The following TMEM50B variants were observed in gnomAD, a reference collection of about 807,000 sequenced individuals.
The protein encoded by TMEM50B is HCV p7-trans-regulated protein 3.
Under a neutral mutation model 23.4 loss-of-function variants are expected in TMEM50B, and 14 were observed. The observed-to-expected ratio is 0.60, with a 90% confidence interval of 0.39 to 0.93. The LOEUF (loss-of-function observed/expected upper bound fraction) is 0.93, where lower values mean the gene tolerates loss of function less well. Ranked by LOEUF, TMEM50B falls within the 40% of genes least tolerant of loss-of-function variation. The pLI is 0.00. For missense variants in TMEM50B, 159 were observed against 193.0 expected (o/e 0.82, Z 1.04); for synonymous variants, 64 against 62.3 (o/e 1.03, Z -0.13).
At chr21:33,461,208 T>C (rs2123435350) in intron 4 of TMEM50B, among the ~76,000 whole-genome samples, 1 of 152,292 alleles carries the variant, frequency 6.6e-6, no homozygotes, top group Middle Eastern at 3.4e-3. Context: ...TCCACTGAAG[T>C]AAAAATAAAA....
At chr21:33,464,604 G>A (rs1195607884) in intron 4 of TMEM50B, among the ~76,000 whole-genome samples, 3 of 149,314 alleles carry the variant, frequency 2.0e-5, no homozygotes, top group Non-Finnish European at 3.0e-5. Flanking sequence ...TCGGGAGTTC[G>A]AGACCAGCGT....
chr21:33,448,963 T>C (rs955100355), downstream of TMEM50B: 1 of 151,766 alleles, frequency 6.6e-6, no homozygotes, highest in Non-Finnish European at 1.5e-5. Context: ...ACAGCCACCA[T>C]TTCCAGTCAG....
intron 8 of TMEM50B, among the ~76,000 whole-genome samples, chr21:33,433,609 AG>A (rs1049863950): frequency 2.6e-5 from 4 of 151,950 alleles, no homozygotes; most frequent in African/African-American, 9.7e-5. Context: ...TGGTGGAGGG[AG>A]GGAAGTGGGA....
At chr21:33,442,426 A>G (rs537710329) in intron 7 of TMEM50B, among the ~76,000 whole-genome samples, 2 of 152,272 alleles carry the variant, frequency 1.3e-5, no homozygotes, top group South Asian at 4.1e-4. Context: ...TGCTAAGGAG[A>G]GGACTCTGGT....
intron 8 of TMEM50B, chr21:33,436,843 A>G (rs149110977): frequency 6.2e-7 from 1 of 1,614,180 alleles, no homozygotes; most frequent in Admixed American, 1.7e-5. Flanking sequence ...AAAAGACCCA[A>G]CTCAGCCCAT....
intron 1 of TMEM50B, among the ~76,000 whole-genome samples, chr21:33,477,308 G>A (rs1018614185): frequency 1.3e-5 from 2 of 151,430 alleles, no homozygotes; most frequent in South Asian, 4.2e-4. Flanking sequence ...GTGGGGTTGG[G>A]AGGAAATGAG....
intron 7 of TMEM50B, among the ~76,000 whole-genome samples, chr21:33,440,356 G>A (rs1411086439): frequency 6.6e-6 from 1 of 152,190 alleles, no homozygotes; most frequent in Admixed American, 6.5e-5. Flanking sequence ...GGGAGGCTGA[G>A]GTGGGCGGAT....
chr21:33,433,173 A>T lies in TMEM50B; in HGVS notation c.*2121-371T>A, dbSNP rs1051596304. On this transcript the variant is annotated intron_variant and NMD_transcript_variant, in intron 8 of 8. Coordinates refer to the TMEM50B transcript ENST00000420455. ...AGTGCTGGGATTACAGGCGGGAGCC[A>T]CTGCGCCCGGCCACGCAGACATCTT... Among the ~76,000 whole-genome samples the T allele has an allele frequency of 3.9e-5, 6 of 152,268 alleles. No individual in the cohort carries two copies. In the East Asian group the frequency reaches 1.2e-3, roughly 29 times the overall value.
In TMEM50B at chr21:33,436,742, T is replaced by TA. The variant is rs200462468; in HGVS notation, c.*2120+2471dup. 4.3e-3 allele frequency: 4,770 copies of TA among 1,103,804 alleles called. 32 individuals carry two copies. Among genetic ancestry groups the TA allele is most frequent in the Non-Finnish European group, 5.5e-3 (4,216 of 762,056 alleles). 68.4% of individuals were successfully genotyped at this position (1,103,804 alleles called of 1,614,324 possible). A position where few individuals can be genotyped will look rare whatever the true frequency, so the allele number is the denominator to read the frequency against. On this transcript the variant is annotated intron_variant and NMD_transcript_variant, in intron 8 of 8. Coordinates refer to the TMEM50B transcript ENST00000420455. ...CTCAAAAAAAAAATAAAAATAAAAA[T>TA]AAAATAAAAACAAAAACTAAAGTTA...
chr21:33,470,424 C>CA (rs71194848), intron 1 of TMEM50B, among the ~76,000 whole-genome samples: 13,345 of 65,710 alleles, frequency 0.2, 1,895 homozygotes, highest in African/African-American at 0.32. Context: ...GACTGTGTCT[C>CA]AAAAAAAAAA....
intron 1 of TMEM50B, among the ~76,000 whole-genome samples, chr21:33,470,424 CAAAA>C (rs71194848): frequency 5.2e-4 from 34 of 65,964 alleles, no homozygotes; most frequent in Non-Finnish European, 7.9e-4. Context: ...GACTGTGTCT[CAAAA>C]AAAAAAAAAA....
chr21:33,472,803 C>T (rs1273743802), intron 1 of TMEM50B, among the ~76,000 whole-genome samples: 2 of 151,120 alleles, frequency 1.3e-5, no homozygotes, highest in Admixed American at 6.6e-5. Flanking sequence ...ACCTGGGAGG[C>T]GGAGGTTGCA....
At chr21:33,459,667 CAA>C (rs34183635) in intron 5 of TMEM50B, among the ~76,000 whole-genome samples, 3 of 124,026 alleles carry the variant, frequency 2.4e-5, no homozygotes, top group Non-Finnish European at 5.1e-5. Context: ...GACTCCGTCT[CAA>C]AAAAAAAAAA....
intron 6 of TMEM50B, among the ~76,000 whole-genome samples, chr21:33,454,241 G>T (rs1321171351): frequency 2.0e-5 from 3 of 151,952 alleles, no homozygotes; most frequent in Non-Finnish European, 4.4e-5. Context: ...TCTTAAAAGG[G>T]CATTCAGAAA....
intron 1 of TMEM50B, among the ~76,000 whole-genome samples, chr21:33,474,155 C>T (rs1408987967): frequency 6.7e-6 from 1 of 149,548 alleles, no homozygotes; most frequent in Non-Finnish European, 1.5e-5. Context: ...AGTATATATA[C>T]TGTATCTCAA....
rs1245454647 is a variant in TMEM50B at position 33,432,753 on chromosome 21, G to T, written c.*2170C>A. On this transcript the variant is annotated 3_prime_UTR_variant and NMD_transcript_variant, in exon 9 of 9. Coordinates refer to the TMEM50B transcript ENST00000420455. ...CAGCAAGTCATCCTGATCTCCGTGG[G>T]AACATTTTCGTTGCTGTCGGTGCTG... The T allele has an allele frequency of 1.9e-6, 3 of 1,614,098 alleles. No homozygotes were observed. The highest frequency in any genetic ancestry group is 2.5e-6 in the Non-Finnish European group (3 of 1,180,016).
At chr21:33,458,840 A>G (rs1277459626) in intron 5 of TMEM50B, among the ~76,000 whole-genome samples, 1 of 152,248 alleles carries the variant, frequency 6.6e-6, no homozygotes, top group Non-Finnish European at 1.5e-5. Context: ...ATTAACTAAA[A>G]AACACATTTT....
intron 5 of TMEM50B, 74 bp downstream of exon 5, chr21:33,460,339 C>G (rs781425994): frequency 1.1e-6 from 1 of 896,778 alleles, no homozygotes. Flanking sequence ...AAGTTGTACT[C>G]AAGGTAGAGT....
downstream of TMEM50B, among the ~76,000 whole-genome samples, chr21:33,446,012 C>T (rs553610804): frequency 6.6e-6 from 1 of 152,044 alleles, no homozygotes; most frequent in Non-Finnish European, 1.5e-5. Context: ...GCCCAAACCA[C>T]AACTGTCTAG....
Sources: allele counts gnomAD v4.1 joint callset (sites outside exome capture counted in the v4.1 genomes callset), GRCh38; gene constraint gnomAD v4.1.1; transcripts MANE v1.5; gene names NCBI Gene and HGNC (gene_info 2026-07-23, HGNC 2026-07-21).